FSCN3: variants seen among roughly 807,000 people sequenced by gnomAD.
FSCN3 encodes fascin-3.
A neutral mutation model predicts 53.5 loss-of-function variants in FSCN3; 43 were observed. The observed-to-expected ratio is 0.80, with a 90% CI of 0.63 to 1.04. The LOEUF (loss-of-function observed/expected upper bound fraction) is 1.04. FSCN3 is among the 50% of genes least tolerant of loss of function. FSCN3 has a pLI of 0.00. For synonymous variants in FSCN3, 235 were observed against 246.6 expected, an observed-to-expected ratio of 0.95 and a Z score of 0.44; for missense variants, 594 against 646.5, an observed-to-expected ratio of 0.92 and a Z score of 0.88.
intron 3 of FSCN3, 27 bp downstream of exon 3, chr7:127,596,473 G>A (rs1215301062): frequency 9.1e-7 from 1 of 1,102,444 alleles, no homozygotes; most frequent in Non-Finnish European, 1.4e-6. Flanking sequence ...CTGAGCAAGA[G>A]AAACCTTAAG....
chr7:127,593,763 C>G lies in FSCN3; in HGVS notation c.-91C>G. The G allele has an allele frequency of 7.1e-7, 1 of 1,411,360 alleles. No homozygotes were observed. The highest frequency in any genetic ancestry group is 1.3e-5 in the South Asian group (1 of 76,164). 87.4% of individuals were successfully genotyped at this position (1,411,360 alleles called of 1,614,324 possible). A position where few individuals can be genotyped will look rare whatever the true frequency, so the allele number is the denominator to read the frequency against. On this transcript the variant is annotated 5_prime_UTR_variant, in exon 1 of 7. Coordinates refer to ENST00000265825, the MANE Select transcript of FSCN3 (RefSeq NM_020369.3). ...CTCTGGGAACATCTGGTGGGTACTA[C>G]AGGCCCTATTCCAGGCCCTATGGCC... is the stretch of plus-strand genomic sequence containing the variant.
In FSCN3 at chr7:127,601,661, G is replaced by A. The variant is rs1434563791; in HGVS notation, c.*39G>A. The A allele has an allele frequency of 2.0e-5, 3 of 152,070 alleles. No individual in the cohort carries two copies. Among genetic ancestry groups the A allele is most frequent in the African/African-American group, 4.8e-5 (2 of 41,378 alleles). 9.4% of individuals were successfully genotyped at this position (152,070 alleles called of 1,614,324 possible). On this transcript the variant is annotated 3_prime_UTR_variant, in exon 7 of 7. Transcript: ENST00000265825. The stretch of plus-strand genomic sequence containing the variant: ...CACCTACCAAAATCCAAATCCTCCA[G>A]GAAAAACTACTACACTAAATGGACC...
chr7:127,593,793 G>A lies in FSCN3; in HGVS notation c.-61G>A. ...CCTATTCCAGGCCCTATGGCCTGTGGAACCTCACCACGGGGGGGAGGGCTG... is the reference window on the plus strand; with the variant it reads ...CCTATTCCAGGCCCTATGGCCTGTGAAACCTCACCACGGGGGGGAGGGCTG... On this transcript the variant is annotated 5_prime_UTR_variant, in exon 1 of 7. Coordinates refer to ENST00000265825, the MANE Select transcript of FSCN3 (RefSeq NM_020369.3). 1 of 1,540,288 alleles carries A rather than the reference G, an allele frequency of 6.5e-7. No homozygotes were observed. The highest frequency in any genetic ancestry group is 8.8e-7 in the Non-Finnish European group (1 of 1,138,394).
intron 1 of FSCN3, among the ~76,000 whole-genome samples, 181 bp from the exon 2 acceptor site, chr7:127,595,126 T>C (rs1006291809): frequency 6.6e-6 from 1 of 152,068 alleles, no homozygotes; most frequent in African/African-American, 2.4e-5. Context: ...GATCTCTTGA[T>C]GAGGGGATAG....
rs752540528 is a variant in FSCN3, at chr7:127,594,011, C to G, written c.144+14C>G. 1.9e-6 allele frequency: 3 copies of G among 1,612,124 alleles called. No homozygotes were observed. Among genetic ancestry groups the G allele is most frequent in the Non-Finnish European group, 2.5e-6 (3 of 1,179,250 alleles). On this transcript the variant is annotated intron_variant, in intron 1 of 6. Transcript: ENST00000265825. ...GGCAGGAGACAGGTGACAAAGCAAACCCATGCTGGCACCAGTTTTCTGAGT... is the reference window on the plus strand; with the variant it reads ...GGCAGGAGACAGGTGACAAAGCAAAGCCATGCTGGCACCAGTTTTCTGAGT...
chr7:127,597,564 C>T lies in FSCN3; in HGVS notation c.961-871C>T, dbSNP rs143197119. ...CTCAGTCTCGGCTCACCACAACCTC[C>T]GCTTCCTGGGTTCAAGAGATTCTCC... On this transcript the variant is annotated intron_variant, in intron 3 of 6. Transcript: ENST00000265825. Among the ~76,000 whole-genome samples, 121 of 152,036 alleles carry T rather than the reference C, an allele frequency of 8.0e-4. 2 individuals are homozygous for T. The highest frequency in any genetic ancestry group is 2.8e-3 in the African/African-American group (117 of 41,444).
chr7:127,594,024 C>A, intron 1 of FSCN3, 27 bp downstream of exon 1: 4 of 1,610,692 alleles, frequency 2.5e-6, no homozygotes, highest in South Asian at 1.1e-5. Flanking sequence ...ATGCTGGCAC[C>A]AGTTTTCTGA....
At position 127,593,759 on chromosome 7, in the gene FSCN3, A is replaced by G. The variant is rs1794330243; in HGVS notation, c.-95A>G. On this transcript the variant is annotated 5_prime_UTR_variant, in exon 1 of 7. Coordinates refer to ENST00000265825, the MANE Select transcript of FSCN3 (RefSeq NM_020369.3). ...TTCTCTCTGGGAACATCTGGTGGGT[A>G]CTACAGGCCCTATTCCAGGCCCTAT... The G allele has an allele frequency of 7.4e-7, 1 of 1,360,358 alleles. No individual in the cohort carries two copies. The highest frequency in any genetic ancestry group is 1.5e-5 in the African/African-American group (1 of 68,834). The allele number at this position is 1,360,358 out of a possible 1,614,324, so 84.3% of individuals were successfully genotyped here. A position where few individuals can be genotyped will look rare whatever the true frequency, so the allele number is the denominator to read the frequency against.
rs571077203 is a variant in FSCN3, at chr7:127,593,826, C to A, written c.-28C>A. The A allele has an allele frequency of 1.3e-6, 2 of 1,554,500 alleles. No individual in the cohort carries two copies. Among genetic ancestry groups the A allele is most frequent in the Non-Finnish European group, 1.7e-6 (2 of 1,148,510 alleles). The stretch of plus-strand genomic sequence containing the variant: ...CCACGGGGGGGAGGGCTGGGCCAGA[C>A]GGAGACATCACCTGTGGTGTCAGCC... On this transcript the variant is annotated 5_prime_UTR_variant, in exon 1 of 7. Transcript: ENST00000265825.
chr7:127,599,068 A>G (rs1158170373), intron 4 of FSCN3, among the ~76,000 whole-genome samples: 1 of 152,194 alleles, frequency 6.6e-6, no homozygotes, highest in South Asian at 2.1e-4. Flanking sequence ...CTTGAGCCTC[A>G]GTTTTGTCGT....
rs758047596 is a variant in FSCN3, at chr7:127,599,481, A to G, written c.1221A>G (p.Ile407Met). 6.2e-7 allele frequency: 1 copy of G among 1,614,104 alleles called. No homozygotes were observed. The highest frequency in any genetic ancestry group is 8.5e-7 in the Non-Finnish European group (1 of 1,179,998). ...YVGSSSGHDLIQCNQDQPDRI... is the reference protein window; with the variant it reads ...YVGSSSGHDLMQCNQDQPDRI... ...GCTCCTCATCGGGCCATGACCTCAT[A>G]CAGTGCAACCAGGATCAGCCCGACC... is the stretch of plus-strand genomic sequence containing the variant. Residue 407 changes from isoleucine to methionine, a missense_variant, in exon 5 of 7, where the codon ATA (isoleucine) becomes ATG (methionine). By Grantham distance (10) the Ile-to-Met change is conservative. Coordinates refer to ENST00000265825, the MANE Select transcript of FSCN3 (RefSeq NM_020369.3).
In FSCN3 at chr7:127,595,528, C is replaced by T. The variant is rs960337966; in HGVS notation, c.366C>T (p.Asp122=). ...GTTATTTGGAGTCCAATGGCAAGGA[C>T]GTGTTTTGCACTTCCCACGTCCTCT... ...SGRYLESNGK[D]VFCTSHVLSA... is the part of the protein sequence containing the mutation. The change falls in exon 2 of 7, where the codon GAC becomes GAT. Residue 122 remains aspartate (D), a synonymous_variant. Transcript: ENST00000265825. 3 of 1,614,044 alleles carry T rather than the reference C, an allele frequency of 1.9e-6. No homozygotes were observed. In the South Asian group the frequency reaches 3.3e-5, roughly 18 times the overall value.
At chr7:127,595,192 G>A in intron 1 of FSCN3, 115 bp from the exon 2 acceptor site, 4 of 792,594 alleles carry the variant, frequency 5.0e-6, no homozygotes, top group Admixed American at 2.7e-5. Flanking sequence ...TGGAAGAGGA[G>A]GTGGCTGGTG....
chr7:127,595,940 C>T lies in FSCN3; in HGVS notation c.778C>T (p.Gln260Ter). Reference sequence around the variant, plus strand: ...GAGGGGTGAGGAGTGGTTCATCCTACAGCACTGCCCAACCTGGGTCAGCCT... The same window carrying T: ...GAGGGGTGAGGAGTGGTTCATCCTATAGCACTGCCCAACCTGGGTCAGCCT... Reference protein sequence around the residue: ...PMRGEEWFILQHCPTWVSLRS... With the variant: ...PMRGEEWFIL The change falls in exon 2 of 7, where the codon CAG becomes TAG. Residue 260 changes from glutamine (Q) to a stop codon, truncating the protein, a stop_gained. Coordinates refer to ENST00000265825, the MANE Select transcript of FSCN3 (RefSeq NM_020369.3). LOFTEE classifies it high-confidence loss of function. 1.9e-6 allele frequency: 3 copies of T among 1,595,920 alleles called. No individual in the cohort carries two copies. The highest frequency in any genetic ancestry group is 1.7e-4 in the Middle Eastern group (1 of 5,952).
Position 127,599,417 on chromosome 7 carries a change from G to A in FSCN3, c.1157G>A (p.Arg386His), listed in dbSNP as rs752400150. Residue 386 changes from arginine (R) to histidine (H), a missense_variant, in exon 5 of 7, where the codon CGC becomes CAC. Coordinates refer to ENST00000265825, the MANE Select transcript of FSCN3 (RefSeq NM_020369.3). ...NEEFGILFAN[R>H]SFLVLRGRYG... ...GAATTTGGGATTTTATTTGCCAATC[G>A]CTCCTTCCTTGTATTGCGAGGTCGT... The A allele has an allele frequency of 2.6e-5, 42 of 1,613,340 alleles. No homozygotes were observed. Among genetic ancestry groups the A allele is most frequent in the Middle Eastern group, 1.6e-4 (1 of 6,082 alleles).
rs766152034 is a variant in FSCN3 at position 127,595,530 on chromosome 7, T to C, written c.368T>C (p.Val123Ala). 3.7e-6 allele frequency: 6 copies of C among 1,614,096 alleles called. No individual in the cohort carries two copies. The highest frequency in any genetic ancestry group is 5.1e-6 in the Non-Finnish European group (6 of 1,179,936). The change falls in exon 2 of 7, where the codon GTG becomes GCG. Residue 123 changes from valine (V) to alanine (A), a missense_variant. Coordinates refer to ENST00000265825, the MANE Select transcript of FSCN3 (RefSeq NM_020369.3). ...TATTTGGAGTCCAATGGCAAGGACG[T>C]GTTTTGCACTTCCCACGTCCTCTCA... ...GRYLESNGKDVFCTSHVLSAY... is the reference protein window; with the variant it reads ...GRYLESNGKDAFCTSHVLSAY...
chr7:127,596,748 T>C (rs1240738476), intron 3 of FSCN3: 1 of 166,754 alleles, frequency 6.0e-6, no homozygotes, highest in African/African-American at 2.4e-5. Flanking sequence ...CTATTAAGTA[T>C]AAAATTCAGT....
intron 3 of FSCN3, among the ~76,000 whole-genome samples, chr7:127,596,792 T>G (rs1413781174): frequency 6.6e-6 from 1 of 152,220 alleles, no homozygotes; most frequent in Admixed American, 6.5e-5. Flanking sequence ...CATGCAACCA[T>G]GCCGTAAGCA....
At chr7:127,597,523 G>A (rs1414030237) in intron 3 of FSCN3, among the ~76,000 whole-genome samples, 1 of 151,390 alleles carries the variant, frequency 6.6e-6, no homozygotes, top group East Asian at 1.9e-4. Flanking sequence ...CTGTTGCCTG[G>A]GCTGGAGGGC....
Sources: allele counts gnomAD v4.1 joint callset (sites outside exome capture counted in the v4.1 genomes callset), GRCh38; gene constraint gnomAD v4.1.1; transcripts MANE v1.5; gene names NCBI Gene and HGNC (gene_info 2026-07-23, HGNC 2026-07-21).